The following PLD5 variants were observed in gnomAD, a reference collection of about 807,000 sequenced individuals.
PLD5 encodes phospholipase D family member 5, also known as inactive phospholipase D5.
Under a neutral mutation model 61.1 loss-of-function variants are expected in PLD5, and 36 were observed. The observed-to-expected ratio is 0.59, with a 90% CI of 0.45 to 0.78. The LOEUF (loss-of-function observed/expected upper bound fraction) is 0.78. PLD5 is among the 30% of genes least tolerant of loss of function. The pLI, the probability that PLD5 is intolerant of heterozygous loss-of-function variation, is 0.00. For missense variants in PLD5, 515 were observed against 644.4 expected (o/e 0.80, Z 2.17); for synonymous variants, 243 against 242.8 (o/e 1.00, Z -0.01).
chr1:242,323,532 CCTCT>C lies in PLD5; in HGVS notation c.326+24570_326+24573del, dbSNP rs1191734556. On this transcript the variant is annotated intron_variant, in intron 2 of 9. Coordinates refer to ENST00000536534, the MANE Select transcript of PLD5 (RefSeq NM_001372062.1). Reference sequence around the variant, plus strand: ...TCCACTGCCTTGAAGAGTGAATACGCCTCTCTAATATTTATCAGGAGTTATTCTG... The same window carrying C: ...TCCACTGCCTTGAAGAGTGAATACGCCTAATATTTATCAGGAGTTATTCTG... Among the ~76,000 whole-genome samples the C allele has an allele frequency of 1.8e-4, 28 of 152,248 alleles. No individual in the cohort carries two copies. The East Asian group carries it at 4.6e-3, about 25-fold the overall frequency.
chr1:242,099,530 C>T (rs12134899), intron 9 of PLD5, among the ~76,000 whole-genome samples: 30,961 of 152,164 alleles, frequency 0.2, 3,399 homozygotes, highest in South Asian at 0.28. Context: ...ACTACCCACA[C>T]GGCCAGTGGC....
At chr1:242,412,243 TG>T (rs1450592299) in intron 1 of PLD5, among the ~76,000 whole-genome samples, 1 of 152,192 alleles carries the variant, frequency 6.6e-6, no homozygotes, top group Non-Finnish European at 1.5e-5. Flanking sequence ...TAATGAGGTG[TG>T]TCCCACCTCC....
chr1:242,483,439 G>A (rs929581450), intron 1 of PLD5, among the ~76,000 whole-genome samples: 23 of 152,050 alleles, frequency 1.5e-4, no homozygotes, highest in Non-Finnish European at 2.6e-4. Flanking sequence ...CTTTAAATCA[G>A]CAAAGATCAA....
In PLD5 at chr1:242,372,640, A is replaced by G. The variant is rs948903744; in HGVS notation, c.190-24398T>C. Among the ~76,000 whole-genome samples, 18 of 152,200 alleles carry G rather than the reference A, an allele frequency of 1.2e-4. 1 individual carries two copies. The highest frequency in any genetic ancestry group is 8.5e-4 in the Admixed American group (13 of 15,278). ...ACAGAGCCCTCAGAAATATTACCACACATGTACAACCATCTGATCTTTGAC... is the reference window on the plus strand; with the variant it reads ...ACAGAGCCCTCAGAAATATTACCACGCATGTACAACCATCTGATCTTTGAC... On this transcript the variant is annotated intron_variant, in intron 1 of 9. Transcript: ENST00000536534.
chr1:242,443,836 C>A (rs1666382867), intron 1 of PLD5, among the ~76,000 whole-genome samples: 1 of 152,174 alleles, frequency 6.6e-6, no homozygotes, highest in South Asian at 2.1e-4. Context: ...AATTTCTAGG[C>A]AATGCAGCTA....
At chr1:242,373,015 A>C (rs1048810495) in intron 1 of PLD5, among the ~76,000 whole-genome samples, 73 of 152,332 alleles carry the variant, frequency 4.8e-4, no homozygotes, top group African/African-American at 1.7e-3. Context: ...CAAACTACAG[A>C]ATGGGAGAAA....
chr1:242,427,961 TA>T (rs1665522127), intron 1 of PLD5, among the ~76,000 whole-genome samples: 1 of 152,156 alleles, frequency 6.6e-6, no homozygotes, highest in African/African-American at 2.4e-5. Flanking sequence ...CCAGGGAGGT[TA>T]AAAAAATTGT....
At chr1:242,331,713 C>A (rs879129808) in intron 2 of PLD5, among the ~76,000 whole-genome samples, 3 of 152,130 alleles carry the variant, frequency 2.0e-5, no homozygotes, top group African/African-American at 7.2e-5. Flanking sequence ...TCAAAATACC[C>A]CCCAATTCAA....
intron 7 of PLD5, among the ~76,000 whole-genome samples, chr1:242,112,714 C>T (rs140634759): frequency 3.1e-4 from 47 of 152,212 alleles, no homozygotes; most frequent in African/African-American, 1.1e-3. Context: ...ATAAAGGGCA[C>T]ACTTAATCAT....
intron 4 of PLD5, among the ~76,000 whole-genome samples, chr1:242,242,012 GACACACACAC>G (rs377737578): frequency 1.2e-4 from 13 of 106,048 alleles, no homozygotes; most frequent in African/African-American, 3.9e-4. Flanking sequence ...TATATATATA[GACACACACAC>G]ACACACACAC....
At chr1:242,159,028 A>G (rs777460433) in intron 5 of PLD5, among the ~76,000 whole-genome samples, 5 of 152,052 alleles carry the variant, frequency 3.3e-5, no homozygotes, top group Non-Finnish European at 7.4e-5. Flanking sequence ...TTGTAGTTTA[A>G]GTTTCTTGGA....
intron 5 of PLD5, among the ~76,000 whole-genome samples, chr1:242,189,837 A>T (rs1558322760): frequency 6.6e-6 from 1 of 152,226 alleles, no homozygotes; most frequent in African/African-American, 2.4e-5. Flanking sequence ...GGCCAATGCC[A>T]GGCCCCAAGA....
At chr1:242,470,605 A>G (rs544184216) in intron 1 of PLD5, among the ~76,000 whole-genome samples, 1 of 152,338 alleles carries the variant, frequency 6.6e-6, no homozygotes, top group East Asian at 1.9e-4. Context: ...TAGGTGTTCA[A>G]TTATTAATAC....
intron 1 of PLD5, among the ~76,000 whole-genome samples, chr1:242,463,823 G>A (rs1451921583): frequency 3.3e-5 from 5 of 151,462 alleles, no homozygotes; most frequent in Admixed American, 6.6e-5. Flanking sequence ...TTAGCATACA[G>A]AATACTATTA....
intron 9 of PLD5, among the ~76,000 whole-genome samples, chr1:242,091,291 G>A (rs1350733408): frequency 1.3e-5 from 2 of 152,138 alleles, no homozygotes; most frequent in African/African-American, 2.4e-5. Context: ...TCATGCAAAG[G>A]AGTAAGCCTG....
At chr1:242,335,960 A>G (rs963642419) in intron 2 of PLD5, among the ~76,000 whole-genome samples, 2 of 152,168 alleles carry the variant, frequency 1.3e-5, no homozygotes, top group Non-Finnish European at 2.9e-5. Context: ...GGATTACTGT[A>G]TTGGTCTCAT....
At chr1:242,247,729 G>A (rs542777682) in intron 4 of PLD5, among the ~76,000 whole-genome samples, 5 of 152,178 alleles carry the variant, frequency 3.3e-5, no homozygotes, top group Admixed American at 2.0e-4. Context: ...GGGGGGCTTG[G>A]GATTTTACTT....
chr1:242,206,916 G>A (rs1669351317), intron 5 of PLD5, among the ~76,000 whole-genome samples: 1 of 152,166 alleles, frequency 6.6e-6, no homozygotes, highest in Non-Finnish European at 1.5e-5. Context: ...TTAAGGAATT[G>A]GCACATATGA....
chr1:242,111,118 G>T (rs996352125), intron 7 of PLD5, among the ~76,000 whole-genome samples: 1 of 150,742 alleles, frequency 6.6e-6, no homozygotes, highest in South Asian at 2.1e-4. Context: ...GTGCAATGGC[G>T]TGATCTTGGC....
Sources: allele counts gnomAD v4.1 joint callset (sites outside exome capture counted in the v4.1 genomes callset), GRCh38; gene constraint gnomAD v4.1.1; transcripts MANE v1.5; gene names NCBI Gene and HGNC (gene_info 2026-07-23, HGNC 2026-07-21).